CACNA1C: variants seen among roughly 807,000 people sequenced by gnomAD.
The protein encoded by CACNA1C is calcium voltage-gated channel subunit alpha1 C.
CACNA1C carries 30 observed loss-of-function variants against 229.0 expected under a neutral mutation model. The observed-to-expected ratio is 0.13, with a 90% confidence interval of 0.10 to 0.18. CACNA1C has a LOEUF of 0.18. CACNA1C is among the 10% of genes least tolerant of loss of function. The pLI is 1.00. For missense variants in CACNA1C, 1,658 were observed against 2,845.0 expected (o/e 0.58, Z 9.49); for synonymous variants, 1,114 against 1,132.5 (o/e 0.98, Z 0.33).
At chr12:2,232,371 G>C (rs149499214) in intron 3 of CACNA1C, among the ~76,000 whole-genome samples, 222 of 151,808 alleles carry the variant, frequency 1.5e-3, no homozygotes, top group African/African-American at 4.9e-3. Context: ...TAGATGGAGG[G>C]TATGCATTTG....
chr12:2,628,099 G>A (rs866684103), intron 29 of CACNA1C, among the ~76,000 whole-genome samples: 2 of 152,228 alleles, frequency 1.3e-5, no homozygotes, highest in Non-Finnish European at 2.9e-5. Flanking sequence ...TGCGGACTTC[G>A]TCGTGGACGC....
chr12:2,549,243 A>C (rs1257464885), intron 9 of CACNA1C, among the ~76,000 whole-genome samples: 1 of 152,152 alleles, frequency 6.6e-6, no homozygotes, highest in Non-Finnish European at 1.5e-5. Flanking sequence ...GAAAGGGGAA[A>C]TCGTATCCCT....
intron 5 of CACNA1C, among the ~76,000 whole-genome samples, chr12:2,477,420 C>T (rs11062241): frequency 0.082 from 12,497 of 152,216 alleles, 1,066 homozygotes; most frequent in African/African-American, 0.22. Context: ...AATACCTCCT[C>T]CTGGCTTAAT....
chr12:2,663,740 T>C (rs1007417851), intron 34 of CACNA1C, among the ~76,000 whole-genome samples: 10 of 24,950 alleles, frequency 4.0e-4, no homozygotes, highest in Admixed American at 1.1e-3. Context: ...AGTATCTTTT[T>C]TTTTTTTTTT....
chr12:2,605,931 A>C lies in CACNA1C; in HGVS notation c.3156+145A>C, dbSNP rs1447395115. ...TAACCTCCACCTGCAGCCCGACTCA[A>C]CCTTCAGACCAGGGTAGGGAGGCGC... On this transcript the variant is annotated intron_variant, in intron 24 of 46. Coordinates refer to ENST00000399655, the MANE Select transcript of CACNA1C (RefSeq NM_000719.7). This position sits in a 1 kb window ranked among gnomAD's most constrained non-coding sequence, Gnocchi z 6.2. 3 of 635,420 alleles carry C rather than the reference A, an allele frequency of 4.7e-6. No individual in the cohort carries two copies. Among genetic ancestry groups the C allele is most frequent in the Non-Finnish European group, 8.6e-6 (3 of 348,880 alleles). The allele number at this position is 635,420 out of a possible 1,614,324, so 39.4% of individuals were successfully genotyped here.
intron 3 of CACNA1C, among the ~76,000 whole-genome samples, chr12:2,198,410 G>T (rs1039036674): frequency 2.0e-5 from 3 of 152,270 alleles, no homozygotes; most frequent in African/African-American, 7.2e-5. Flanking sequence ...ATTTAAATGT[G>T]TTCCTCCGGC....
Position 2,566,351 on chromosome 12 carries a change from G to T in CACNA1C, c.1509-71G>T. On this transcript the variant is annotated intron_variant, in intron 11 of 46. Transcript: ENST00000399655. This position sits in a 1 kb window ranked among gnomAD's most constrained non-coding sequence, Gnocchi z 4.0. ...AGTGAGGGGCGAGAAGAGCCATGGTGCTGCATCTTGGGTTGGAGGAAACCT... is the reference window on the plus strand; with the variant it reads ...AGTGAGGGGCGAGAAGAGCCATGGTTCTGCATCTTGGGTTGGAGGAAACCT... 7.3e-7 allele frequency: 1 copy of T among 1,370,900 alleles called. No individual in the cohort carries two copies. The highest frequency in any genetic ancestry group is 1.0e-6 in the Non-Finnish European group (1 of 1,001,102). 84.9% of individuals were successfully genotyped at this position (1,370,900 alleles called of 1,614,324 possible). A position where few individuals can be genotyped will look rare whatever the true frequency, so the allele number is the denominator to read the frequency against.
intron 4 of CACNA1C, among the ~76,000 whole-genome samples, chr12:2,450,458 G>A (rs1252668976): frequency 6.8e-6 from 1 of 147,644 alleles, no homozygotes; most frequent in East Asian, 2.1e-4. Context: ...GGAGGCTGAG[G>A]CAGGAGAATG....
chr12:2,236,552 C>G (rs1412414016), intron 3 of CACNA1C, among the ~76,000 whole-genome samples: 1 of 151,972 alleles, frequency 6.6e-6, no homozygotes, highest in Non-Finnish European at 1.5e-5. Context: ...TTTTTCGTAT[C>G]TTTGCCAAGG....
chr12:2,605,570 C>T lies in CACNA1C; in HGVS notation c.3049-109C>T. 1 of 778,530 alleles carries T rather than the reference C, an allele frequency of 1.3e-6. No individual in the cohort carries two copies. The highest frequency in any genetic ancestry group is 2.3e-6 in the Non-Finnish European group (1 of 442,274). 48.2% of individuals were successfully genotyped at this position (778,530 alleles called of 1,614,324 possible). A position where few individuals can be genotyped will look rare whatever the true frequency, so the allele number is the denominator to read the frequency against. On this transcript the variant is annotated intron_variant, in intron 23 of 46. Coordinates refer to ENST00000399655, the MANE Select transcript of CACNA1C (RefSeq NM_000719.7). This position sits in a 1 kb window ranked among gnomAD's most constrained non-coding sequence, Gnocchi z 6.2. ...TTTGGGAGCGTGGCTTTGCCCCTCT[C>T]AGCCCAATTACTCCCCGTTGTGGCA... is the stretch of plus-strand genomic sequence containing the variant.
rs1568669601 is a variant in CACNA1C, at chr12:2,597,607, C to G, written c.2853+318C>G. ...CTTTCACTCTCTCTTTTCTTTACTCCCAAGCCTGAAATTGGAAAAATGAGT... is the reference window on the plus strand; with the variant it reads ...CTTTCACTCTCTCTTTTCTTTACTCGCAAGCCTGAAATTGGAAAAATGAGT... On this transcript the variant is annotated intron_variant, in intron 21 of 46. Transcript: ENST00000399655. This position sits in a 1 kb window ranked among gnomAD's most constrained non-coding sequence, Gnocchi z 4.3. 1.2e-6 allele frequency: 1 copy of G among 814,178 alleles called. No individual in the cohort carries two copies. The highest frequency in any genetic ancestry group is 2.1e-6 in the Non-Finnish European group (1 of 485,548). 50.4% of individuals were successfully genotyped at this position (814,178 alleles called of 1,614,324 possible). A position where few individuals can be genotyped will look rare whatever the true frequency, so the allele number is the denominator to read the frequency against.
At chr12:2,143,700 A>G (rs1370367100) in intron 3 of CACNA1C, among the ~76,000 whole-genome samples, 1 of 151,182 alleles carries the variant, frequency 6.6e-6, no homozygotes, top group East Asian at 1.9e-4. Flanking sequence ...CTTATTTCTC[A>G]GAATGTATCC....
chr12:2,596,147 T>C (rs555636568), intron 20 of CACNA1C, 144 bp downstream of exon 20: 6 of 809,788 alleles, frequency 7.4e-6, no homozygotes, highest in African/African-American at 7.0e-5. Context: ...ATTAAGAGAG[T>C]AGGGCTTTGA....
intron 10 of CACNA1C, among the ~76,000 whole-genome samples, chr12:2,550,255 C>T (rs2099895685): frequency 6.6e-6 from 1 of 152,186 alleles, no homozygotes; most frequent in African/African-American, 2.4e-5. Flanking sequence ...GGCTAGTCTT[C>T]AATTCATCAC....
intron 8 of CACNA1C, 118 bp downstream of exon 8, chr12:2,505,063 C>A: frequency 1.5e-6 from 1 of 653,560 alleles, no homozygotes; most frequent in Non-Finnish European, 2.7e-6. Context: ...GGGGTCACCA[C>A]AGGAGCCTTG....
At chr12:2,495,799 T>C (rs1310710920) in intron 7 of CACNA1C, among the ~76,000 whole-genome samples, 2 of 152,196 alleles carry the variant, frequency 1.3e-5, no homozygotes, top group African/African-American at 2.4e-5. Context: ...TGTGCATTTG[T>C]ATGTGTGTGC....
intron 3 of CACNA1C, among the ~76,000 whole-genome samples, chr12:2,177,619 T>TCCTC (rs2096703802): frequency 8.8e-6 from 1 of 114,172 alleles, no homozygotes; most frequent in African/African-American, 3.3e-5. Flanking sequence ...CTTCCTTCCT[T>TCCTC]CCTTCCTTCT....
In CACNA1C at chr12:2,679,512, G is replaced by C. The variant is rs750668170; in HGVS notation, c.5160G>C (p.Gln1720His). The change falls in exon 42 of 47, where the codon CAG becomes CAC. Residue 1720 changes from glutamine to histidine, a missense_variant. Physicochemically the swap from Gln to His is conservative, Grantham distance 24 (BLOSUM62 0). Around this residue, in one of 20 missense-constraint regions of CACNA1C, gnomAD observed 590 missense variants for 700.8 expected, o/e 0.84. Transcript: ENST00000399655. The surrounding 1 kb of genome is among the most constrained non-coding windows in gnomAD (Gnocchi z 5.5). ...GCGACGGCCGGAGCGCCTTCCCCCA[G>C]ACCTTCACCACTCAGCGCCCGCTGC... is the stretch of plus-strand genomic sequence containing the variant. ...YQSDGRSAFPQTFTTQRPLHI... is the reference protein window; with the variant it reads ...YQSDGRSAFPHTFTTQRPLHI... 6.2e-7 allele frequency: 1 copy of C among 1,611,410 alleles called. No homozygotes were observed. Among genetic ancestry groups the C allele is most frequent in the South Asian group, 1.1e-5 (1 of 90,866 alleles).
rs182038342 is a variant in CACNA1C, at chr12:2,387,669, G to A, written c.478-61307G>A. On this transcript the variant is annotated intron_variant, in intron 3 of 46. Coordinates refer to ENST00000399655, the MANE Select transcript of CACNA1C (RefSeq NM_000719.7). ...ATGAAGGCTCCCCAGAGTAGGTGGAGCCAAGGGCTGACACCTGAGGCAAAG... is the reference window on the plus strand; with the variant it reads ...ATGAAGGCTCCCCAGAGTAGGTGGAACCAAGGGCTGACACCTGAGGCAAAG... 5.5e-3 allele frequency among the ~76,000 whole-genome samples: 833 copies of A among 152,294 alleles called. 4 individuals are homozygous for A. The highest frequency in any genetic ancestry group is 0.019 in the African/African-American group (796 of 41,546).
Sources: gnomAD v4.1 joint callset for allele counts (sites outside exome capture counted in the v4.1 genomes callset) on GRCh38, gnomAD v4.1.1 for gene constraint, gnomAD v4.1.1 regional missense constraint, Gnocchi (gnomAD v3.1) non-coding constraint, MANE v1.5 for transcripts, NCBI Gene and HGNC (gene_info 2026-07-23, HGNC 2026-07-21) for gene names.